The following DNAH11 variants were observed in gnomAD, a reference collection of about 807,000 sequenced individuals.
The protein encoded by DNAH11 is dynein axonemal heavy chain 11, also known as axonemal beta dynein heavy chain 11.
Under a neutral mutation model 526.0 loss-of-function variants are expected in DNAH11, and 442 were observed. The observed-to-expected ratio is 0.84, with a 90% CI of 0.78 to 0.91. The LOEUF (loss-of-function observed/expected upper bound fraction) is 0.91. DNAH11 is among the 40% of genes least tolerant of loss of function. The pLI, the probability that DNAH11 is intolerant of heterozygous loss-of-function variation, is 0.00. For synonymous variants in DNAH11, 2,461 were observed against 1,935.9 expected (o/e 1.27, Z -7.12); for missense variants, 6,989 against 5,448.7 (o/e 1.28, Z -8.90).
chr7:21,696,772 A>T (rs922475280), intron 35 of DNAH11, among the ~76,000 whole-genome samples: 5 of 152,192 alleles, frequency 3.3e-5, no homozygotes, highest in African/African-American at 1.2e-4. Flanking sequence ...TGGGAACATC[A>T]GTCTGCCTCT....
At position 21,901,254 on chromosome 7, in the gene DNAH11, A is replaced by AGGTAACACTGGCATTCCTCT; in HGVS notation, c.*1_*20dup. On this transcript the variant is annotated 3_prime_UTR_variant, in exon 82 of 82. Coordinates refer to ENST00000409508, the MANE Select transcript of DNAH11 (RefSeq NM_001277115.2). ...GAGTGGCTCTGCTTCTAGAAGCGTAAGGTAACACTGGCATTCCTCTAGCCT... is the reference window on the plus strand; with the variant it reads ...GAGTGGCTCTGCTTCTAGAAGCGTAAGGTAACACTGGCATTCCTCTGGTAACACTGGCATTCCTCTAGCCT... 6.2e-7 allele frequency: 1 copy of AGGTAACACTGGCATTCCTCT among 1,600,572 alleles called. No homozygotes were observed.
chr7:21,861,910 C>A lies in DNAH11; in HGVS notation c.11260C>A (p.Gln3754Lys). 6.2e-7 allele frequency: 1 copy of A among 1,613,498 alleles called. No individual in the cohort carries two copies. ...GCAGGCTGACAAGGTGGAAGACATG[C>A]AGGGACGCATCTCTATCCTGATGGA... ...IEQADKVEDM[Q>K]GRISILMESI... Residue 3754 changes from glutamine to lysine, a missense_variant, in exon 69 of 82, where the codon CAG becomes AAG. By Grantham distance (53) the Gln-to-Lys change is moderately conservative. Coordinates refer to ENST00000409508, the MANE Select transcript of DNAH11 (RefSeq NM_001277115.2).
intron 66 of DNAH11, among the ~76,000 whole-genome samples, chr7:21,847,773 C>G (rs1441976907): frequency 6.6e-6 from 1 of 152,148 alleles, no homozygotes; most frequent in East Asian, 1.9e-4. Flanking sequence ...TTTGAATTGT[C>G]CAGCTATAAT....
chr7:21,603,376 G>T (rs1387521460), intron 18 of DNAH11, among the ~76,000 whole-genome samples: 1 of 152,310 alleles, frequency 6.6e-6, no homozygotes, highest in East Asian at 1.9e-4. Context: ...GAACACTGGT[G>T]TGTATTTATT....
intron 25 of DNAH11, among the ~76,000 whole-genome samples, chr7:21,634,805 C>T (rs1337813322): frequency 2.0e-5 from 3 of 151,872 alleles, no homozygotes; most frequent in Admixed American, 1.3e-4. Context: ...TGTACCCCCC[C>T]GAACCCAAAA....
intron 45 of DNAH11, 120 bp downstream of exon 45, chr7:21,726,104 C>A: frequency 9.6e-7 from 1 of 1,042,338 alleles, no homozygotes; most frequent in Non-Finnish European, 1.3e-6. Context: ...CACAGGCTGC[C>A]CAGGAAGCAT....
intron 9 of DNAH11, among the ~76,000 whole-genome samples, chr7:21,585,689 A>G (rs1161039381): frequency 6.6e-6 from 1 of 152,226 alleles, no homozygotes; most frequent in Non-Finnish European, 1.5e-5. Context: ...AAGTATTAAA[A>G]TGTGAAGTGT....
At chr7:21,798,786 A>G (rs923128394) in intron 61 of DNAH11, among the ~76,000 whole-genome samples, 2 of 152,228 alleles carry the variant, frequency 1.3e-5, no homozygotes, top group Non-Finnish European at 2.9e-5. Flanking sequence ...AGAATCTAAC[A>G]GTCTTCTGTT....
chr7:21,720,202 G>A (rs763167572), intron 43 of DNAH11, among the ~76,000 whole-genome samples: 1 of 152,304 alleles, frequency 6.6e-6, no homozygotes, highest in East Asian at 1.9e-4. Context: ...TGGGAAACTG[G>A]CTGCCAAAGC....
rs534005076 is a variant in DNAH11 at position 21,572,447 on chromosome 7, C to G, written c.1593+474C>G. Among the ~76,000 whole-genome samples the G allele has an allele frequency of 1.1e-3, 174 of 152,164 alleles. 1 individual carries two copies. In the Middle Eastern group the frequency reaches 0.014, roughly 12 times the overall value. On this transcript the variant is annotated intron_variant, in intron 8 of 81. Transcript: ENST00000409508. ...CTGATTATAATTTCATATTTCCAAC[C>G]ACAGGAAAGGGGGAACCTTTCTGAT... is the stretch of plus-strand genomic sequence containing the variant.
intron 75 of DNAH11, 82 bp from the exon 76 acceptor site, chr7:21,884,209 T>TA (rs1306115994): frequency 1.5e-6 from 2 of 1,344,370 alleles, no homozygotes; most frequent in African/African-American, 1.5e-5. Flanking sequence ...GGCATTGTGT[T>TA]AGAGGGGCAC....
intron 81 of DNAH11, 115 bp downstream of exon 81, chr7:21,900,235 A>G: frequency 1.8e-6 from 2 of 1,131,742 alleles, no homozygotes; most frequent in Non-Finnish European, 2.4e-6. Flanking sequence ...ACCTTATGCT[A>G]GTCATTATCT....
At chr7:21,614,040 G>A (rs908240315) in intron 20 of DNAH11, among the ~76,000 whole-genome samples, 3 of 151,642 alleles carry the variant, frequency 2.0e-5, no homozygotes, top group African/African-American at 7.3e-5. Flanking sequence ...ACTTCCCAAA[G>A]TGCTGGGATT....
chr7:21,607,208 TC>T (rs1199071788), intron 20 of DNAH11, among the ~76,000 whole-genome samples: 1 of 152,100 alleles, frequency 6.6e-6, no homozygotes, highest in Admixed American at 6.5e-5. Context: ...AGTCCAGTGT[TC>T]GTGGACAAGA....
At chr7:21,647,900 T>C (rs777475515) in intron 28 of DNAH11, among the ~76,000 whole-genome samples, 4 of 151,902 alleles carry the variant, frequency 2.6e-5, no homozygotes, top group Non-Finnish European at 4.4e-5. Flanking sequence ...CTACAAGAAA[T>C]GTTAGAGAAA....
At chr7:21,587,616 C>T (rs62441682) in intron 9 of DNAH11, among the ~76,000 whole-genome samples, 25,872 of 151,998 alleles carry the variant, frequency 0.17, 2,280 homozygotes, top group African/African-American at 0.2. Context: ...GTCATGGTGA[C>T]TGGCACATCT....
At chr7:21,867,178 A>G (rs1330854986) in intron 71 of DNAH11, among the ~76,000 whole-genome samples, 3 of 152,334 alleles carry the variant, frequency 2.0e-5, no homozygotes, top group Admixed American at 2.0e-4. Context: ...CTTGGCTTCT[A>G]AATGGTAATG....
At chr7:21,651,468 A>G (rs968628120) in intron 28 of DNAH11, among the ~76,000 whole-genome samples, 3 of 151,972 alleles carry the variant, frequency 2.0e-5, no homozygotes, top group Admixed American at 2.0e-4. Flanking sequence ...GGTTTAAGCA[A>G]TTCTCTGCCT....
intron 2 of DNAH11, among the ~76,000 whole-genome samples, chr7:21,555,915 G>A (rs148511261): frequency 3.3e-5 from 5 of 152,246 alleles, no homozygotes; most frequent in African/African-American, 4.8e-5. Flanking sequence ...TTACCCATCC[G>A]AACCCAAAGA....
Sources: allele counts gnomAD v4.1 joint callset (sites outside exome capture counted in the v4.1 genomes callset), GRCh38; gene constraint gnomAD v4.1.1; transcripts MANE v1.5; gene names NCBI Gene and HGNC (gene_info 2026-07-23, HGNC 2026-07-21).